NFIA: variants seen among roughly 807,000 people sequenced by gnomAD.
NFIA encodes nuclear factor I A.
In NFIA, 8 loss-of-function variants were observed where a neutral mutation model predicts 62.8. That is an observed-to-expected ratio of 0.13 (90% CI 0.07 to 0.23). NFIA has a LOEUF of 0.23. Among genes scored for constraint, NFIA ranks in the 10% least tolerant of loss-of-function variants. The pLI, the probability that NFIA is intolerant of heterozygous loss-of-function variation, is 1.00. For missense variants in NFIA, 410 were observed against 642.1 expected, an observed-to-expected ratio of 0.64 and a Z score of 3.91; for synonymous variants, 235 against 238.1, an observed-to-expected ratio of 0.99 and a Z score of 0.12.
chr1:61,302,998 AG>A (rs1659571949), intron 3 of NFIA, among the ~76,000 whole-genome samples: 1 of 152,232 alleles, frequency 6.6e-6, no homozygotes, highest in South Asian at 2.1e-4. Context: ...TGCTTTTAAA[AG>A]TTCAAACCAT....
intron 1 of NFIA, among the ~76,000 whole-genome samples, chr1:61,084,745 G>T (rs1392650106): frequency 6.6e-6 from 1 of 152,142 alleles, no homozygotes; most frequent in Non-Finnish European, 1.5e-5. Context: ...TTTGGGAATG[G>T]TGCATATATG....
At chr1:61,363,131 A>T (rs1663389298) in intron 6 of NFIA, among the ~76,000 whole-genome samples, 1 of 152,220 alleles carries the variant, frequency 6.6e-6, no homozygotes, top group Non-Finnish European at 1.5e-5. Context: ...TGAGACTCAT[A>T]AAAGGTCAAG....
At position 61,426,564 on chromosome 1, in the gene NFIA, G is replaced by C; in HGVS notation, c.1512+8G>C. Reference sequence around the variant, plus strand: ...ATCCCTCAACAGACACAGGTGGGCCGCTCTCATCTTTTCTGTATGTGGTGC... The same window carrying C: ...ATCCCTCAACAGACACAGGTGGGCCCCTCTCATCTTTTCTGTATGTGGTGC... On this transcript the variant is annotated splice_region_variant and intron_variant, in intron 10 of 10. Transcript: ENST00000403491. 6.5e-7 allele frequency: 1 copy of C among 1,543,798 alleles called. No homozygotes were observed. Among genetic ancestry groups the C allele is most frequent in the Non-Finnish European group, 8.8e-7 (1 of 1,139,794 alleles).
At position 61,308,720 on chromosome 1, in the gene NFIA, G is replaced by A. The variant is rs143010556; in HGVS notation, c.626-23792G>A. Among the ~76,000 whole-genome samples, 658 of 152,288 alleles carry A rather than the reference G, an allele frequency of 4.3e-3. 5 individuals carry two copies. Among genetic ancestry groups the A allele is most frequent in the Middle Eastern group, 0.01 (3 of 294 alleles). ...TGTCTTAGTTTTCTCAGGAAGCAAA[G>A]AAGTTAGTACCTAACTTTCAGATTT... On this transcript the variant is annotated intron_variant, in intron 3 of 10. Coordinates refer to ENST00000403491, the MANE Select transcript of NFIA (RefSeq NM_001134673.4).
At chr1:61,268,739 GA>G (rs1657330760) in intron 2 of NFIA, among the ~76,000 whole-genome samples, 2 of 152,144 alleles carry the variant, frequency 1.3e-5, no homozygotes, top group Non-Finnish European at 2.9e-5. Context: ...TGAAAACAAA[GA>G]TAAGGAGACA....
chr1:61,385,083 A>G (rs932621635), intron 7 of NFIA, among the ~76,000 whole-genome samples: 1 of 151,270 alleles, frequency 6.6e-6, no homozygotes, highest in Admixed American at 6.6e-5. Flanking sequence ...AATACAAAAA[A>G]AAATTAGCCA....
intron 2 of NFIA, among the ~76,000 whole-genome samples, chr1:61,151,640 A>C (rs1648419788): frequency 6.6e-6 from 1 of 152,148 alleles, no homozygotes; most frequent in South Asian, 2.1e-4. Context: ...ACCCTGAGAA[A>C]CAGCCCTGGA....
At chr1:61,188,129 C>T (rs1267214840) in intron 2 of NFIA, among the ~76,000 whole-genome samples, 1 of 151,912 alleles carries the variant, frequency 6.6e-6, no homozygotes, top group Non-Finnish European at 1.5e-5. Flanking sequence ...CTCACTGCAC[C>T]CTCCGCCTCC....
At chr1:61,359,085 G>A in intron 5 of NFIA, 62 bp from the exon 6 acceptor site, 1 of 1,587,998 alleles carries the variant, frequency 6.3e-7, no homozygotes, top group Non-Finnish European at 8.6e-7. Flanking sequence ...AACCAGAGGT[G>A]CAGTGTCCAA....
intron 3 of NFIA, among the ~76,000 whole-genome samples, chr1:61,294,655 G>A (rs1659089648): frequency 6.6e-6 from 1 of 152,172 alleles, no homozygotes. Flanking sequence ...AGCAAGGATT[G>A]TTTTTCTTTT....
intron 2 of NFIA, among the ~76,000 whole-genome samples, chr1:61,233,435 A>G (rs959785262): frequency 2.0e-5 from 3 of 152,142 alleles, no homozygotes; most frequent in Admixed American, 2.0e-4. Flanking sequence ...TCACGATGCT[A>G]AGCTATTTAA....
chr1:61,173,835 T>C (rs1448096616), intron 2 of NFIA, among the ~76,000 whole-genome samples: 1 of 152,092 alleles, frequency 6.6e-6, no homozygotes, highest in Non-Finnish European at 1.5e-5. Context: ...CCAGGAGAAG[T>C]GGTGGCTTTT....
At chr1:61,445,128 A>G (rs1227749740) in intron 10 of NFIA, among the ~76,000 whole-genome samples, 1 of 152,234 alleles carries the variant, frequency 6.6e-6, no homozygotes, top group East Asian at 1.9e-4. Context: ...TCACTACTAA[A>G]AAGGTAAAAA....
chr1:61,170,629 C>G (rs1302892303), intron 2 of NFIA, among the ~76,000 whole-genome samples: 1 of 152,022 alleles, frequency 6.6e-6, no homozygotes, highest in Non-Finnish European at 1.5e-5. Flanking sequence ...CCTTTTTTTG[C>G]CATCTAAATG....
intron 3 of NFIA, among the ~76,000 whole-genome samples, chr1:61,286,010 G>A (rs2100296234): frequency 6.6e-6 from 1 of 152,294 alleles, no homozygotes; most frequent in Admixed American, 6.5e-5. Context: ...GGTCAAATTA[G>A]CAAAAGAGAC....
chr1:61,286,286 G>A lies in NFIA; in HGVS notation c.625+8701G>A, dbSNP rs528224087. On this transcript the variant is annotated intron_variant, in intron 3 of 10. Transcript: ENST00000403491. ...ACTTAAAAAAAAAAAAAATTAGCCGGGTGTGGTTGCAGGCGCCTGTAGTCC... is the reference window on the plus strand; with the variant it reads ...ACTTAAAAAAAAAAAAAATTAGCCGAGTGTGGTTGCAGGCGCCTGTAGTCC... Among the ~76,000 whole-genome samples the A allele has an allele frequency of 2.0e-4, 30 of 152,008 alleles. 1 individual carries two copies. The South Asian group carries it at 3.1e-3, about 16-fold the overall frequency.
intron 2 of NFIA, among the ~76,000 whole-genome samples, chr1:61,098,183 T>A (rs935577100): frequency 6.6e-6 from 1 of 152,222 alleles, no homozygotes; most frequent in Non-Finnish European, 1.5e-5. Context: ...AAATATCTTT[T>A]ATGCTGAATG....
intron 10 of NFIA, among the ~76,000 whole-genome samples, chr1:61,452,436 A>G (rs1055112647): frequency 1.3e-5 from 2 of 152,154 alleles, no homozygotes; most frequent in Admixed American, 1.3e-4. Context: ...ATGTTGAAAT[A>G]AGTACTAATG....
intron 2 of NFIA, among the ~76,000 whole-genome samples, chr1:61,126,990 G>A (rs377243934): frequency 1.3e-5 from 2 of 151,240 alleles, no homozygotes; most frequent in Non-Finnish European, 1.5e-5. Context: ...ATGGGGTTTC[G>A]CCATGATGGC....
Sources: allele counts gnomAD v4.1 joint callset (sites outside exome capture counted in the v4.1 genomes callset), GRCh38; gene constraint gnomAD v4.1.1; transcripts MANE v1.5; gene names NCBI Gene and HGNC (gene_info 2026-07-23, HGNC 2026-07-21).